The following ITFG1 variants were observed in gnomAD, a reference collection of about 807,000 sequenced individuals.
ITFG1 encodes the protein T-cell immunomodulatory protein.
In ITFG1, 34 loss-of-function variants were observed where a neutral mutation model predicts 81.8. That is an observed-to-expected ratio of 0.42 (90% CI 0.32 to 0.55). ITFG1 has a LOEUF of 0.55. ITFG1 is among the 20% of genes least tolerant of loss of function. The pLI, the probability that ITFG1 is intolerant of heterozygous loss-of-function variation, is 0.17. For synonymous variants in ITFG1, 285 were observed against 270.6 expected, an observed-to-expected ratio of 1.05 and a Z score of -0.52; for missense variants, 672 against 755.4, an observed-to-expected ratio of 0.89 and a Z score of 1.29.
At chr16:47,442,276 A>G (rs1001144968) in intron 5 of ITFG1, among the ~76,000 whole-genome samples, 5 of 152,228 alleles carry the variant, frequency 3.3e-5, no homozygotes, top group Non-Finnish European at 5.9e-5. Flanking sequence ...TATAGATTCA[A>G]TGCCATCCCC....
chr16:47,273,879 C>T (rs1038533817), intron 10 of ITFG1, among the ~76,000 whole-genome samples: 12 of 152,080 alleles, frequency 7.9e-5, no homozygotes, highest in Admixed American at 1.3e-4. Flanking sequence ...TGGCTCACTG[C>T]AAACTCCTCC....
intron 8 of ITFG1, among the ~76,000 whole-genome samples, chr16:47,351,731 CA>C (rs59557460): frequency 1 from 152,199 of 152,202 alleles, 76,098 homozygotes; most frequent in Middle Eastern, 1. Flanking sequence ...CATACGGAAC[CA>C]AAAAAGAGCC....
intron 14 of ITFG1, among the ~76,000 whole-genome samples, chr16:47,183,130 C>T (rs866592643): frequency 2.0e-5 from 3 of 152,246 alleles, no homozygotes; most frequent in East Asian, 1.9e-4. Flanking sequence ...GAGGGTCCTA[C>T]GCCCACGGAG....
intron 16 of ITFG1, 121 bp from the exon 17 acceptor site, chr16:47,159,111 T>C (rs1210123139): frequency 2.2e-6 from 1 of 460,312 alleles, no homozygotes; most frequent in Admixed American, 4.1e-5. Context: ...ATTAAACCAT[T>C]CATTCATCAG....
At chr16:47,176,971 T>C (rs954230670) in intron 14 of ITFG1, among the ~76,000 whole-genome samples, 2 of 150,394 alleles carry the variant, frequency 1.3e-5, no homozygotes, top group Non-Finnish European at 3.0e-5. Flanking sequence ...TTTTTTTTTT[T>C]AAACAGAGAT....
chr16:47,316,323 C>T (rs1416207303), intron 8 of ITFG1, among the ~76,000 whole-genome samples: 2 of 152,090 alleles, frequency 1.3e-5, no homozygotes, highest in Non-Finnish European at 2.9e-5. Context: ...ACCACATTTG[C>T]CTATTGTTAA....
intron 6 of ITFG1, among the ~76,000 whole-genome samples, chr16:47,402,362 A>G (rs550458973): frequency 1.3e-5 from 2 of 152,342 alleles, no homozygotes; most frequent in South Asian, 4.1e-4. Flanking sequence ...ATATAAAATA[A>G]ATTCTTATTA....
Position 47,222,482 on chromosome 16 carries a change from C to T in ITFG1, c.1375-3536G>A, listed in dbSNP as rs371593821. 1.5e-4 allele frequency among the ~76,000 whole-genome samples: 22 copies of T among 149,734 alleles called. No individual in the cohort carries two copies. The East Asian group carries it at 1.8e-3, about 12-fold the overall frequency. On this transcript the variant is annotated intron_variant, in intron 13 of 17. Coordinates refer to ENST00000320640, the MANE Select transcript of ITFG1 (RefSeq NM_030790.5). Reference sequence around the variant, plus strand: ...AGGCCGGAGTGCAGTGGCGCGATCTCGGCTCACTGCAAGCTCCGCCTCCCA... The same window carrying T: ...AGGCCGGAGTGCAGTGGCGCGATCTTGGCTCACTGCAAGCTCCGCCTCCCA...
intron 10 of ITFG1, chr16:47,299,628 G>A: frequency 6.5e-6 from 1 of 152,788 alleles, no homozygotes; most frequent in Non-Finnish European, 1.5e-5. Flanking sequence ...ACCAGCATGG[G>A]GAAAGTGGGG....
chr16:47,300,278 T>A (rs1192163899), intron 10 of ITFG1, among the ~76,000 whole-genome samples: 1 of 152,240 alleles, frequency 6.6e-6, no homozygotes, highest in Non-Finnish European at 1.5e-5. Context: ...ATGTTCCTTC[T>A]TGGAAAATCT....
In ITFG1 at chr16:47,393,271, A is replaced by C. The variant is rs1168680901; in HGVS notation, c.656-17331T>G. ...AGGTGTCTGCTCCTTTTCTGACTAC[A>C]CTGTACTCGAGGGTGCCTGAGCCTG... On this transcript the variant is annotated intron_variant, in intron 6 of 17. Coordinates refer to ENST00000320640, the MANE Select transcript of ITFG1 (RefSeq NM_030790.5). Among the ~76,000 whole-genome samples the C allele has an allele frequency of 2.0e-5, 3 of 152,266 alleles. No homozygotes were observed. The South Asian group carries it at 6.2e-4, about 32-fold the overall frequency.
chr16:47,171,501 T>C (rs1428287669), intron 14 of ITFG1, among the ~76,000 whole-genome samples: 1 of 152,228 alleles, frequency 6.6e-6, no homozygotes, highest in East Asian at 1.9e-4. Context: ...ACTTTTGATT[T>C]CTATGATGAT....
chr16:47,372,772 A>C (rs1438166902), intron 7 of ITFG1, among the ~76,000 whole-genome samples: 1 of 152,128 alleles, frequency 6.6e-6, no homozygotes, highest in Non-Finnish European at 1.5e-5. Flanking sequence ...CTTATTGCTC[A>C]CCAGAAGAAA....
intron 12 of ITFG1, among the ~76,000 whole-genome samples, chr16:47,242,426 T>C (rs909042854): frequency 6.6e-6 from 1 of 151,628 alleles, no homozygotes; most frequent in Non-Finnish European, 1.5e-5. Context: ...AAAAGCATGA[T>C]AAAATTGTCT....
intron 5 of ITFG1, 46 bp from the exon 6 acceptor site, chr16:47,428,944 G>T: frequency 2.0e-6 from 2 of 1,003,674 alleles, no homozygotes; most frequent in South Asian, 1.4e-5. Context: ...AACATCAAAT[G>T]AGCATTATTT....
rs763087821 is a variant in ITFG1, at chr16:47,162,634, G to A, written c.1484C>T (p.Ala495Val). ...AAGCACGTTGTATGGTAGTTGGAGAGCTAAATGTGCGGATTGGCTGAGTTG... is the reference window on the plus strand; with the variant it reads ...AAGCACGTTGTATGGTAGTTGGAGAACTAAATGTGCGGATTGGCTGAGTTG... ...AGQLSQSAHL[A>V]LQLPYNVLGL... The change falls in exon 15 of 18, where the codon GCT becomes GTT. Residue 495 changes from alanine (A) to valine (V), a missense_variant. Ala to Val is a moderately conservative substitution (Grantham distance 64). This residue lies in a region of ITFG1 where 560 missense variants were observed against 625.7 expected (regional missense o/e 0.90). Coordinates refer to ENST00000320640, the MANE Select transcript of ITFG1 (RefSeq NM_030790.5). 1.9e-6 allele frequency: 3 copies of A among 1,607,942 alleles called. No individual in the cohort carries two copies. The highest frequency in any genetic ancestry group is 3.4e-5 in the Admixed American group (2 of 59,346).
chr16:47,314,337 GTCCATT>G (rs763183464), intron 8 of ITFG1, among the ~76,000 whole-genome samples: 7 of 152,038 alleles, frequency 4.6e-5, no homozygotes, highest in Non-Finnish European at 8.8e-5. Context: ...ATCAACAGTA[GTCCATT>G]ATTATACAGA....
At position 47,163,922 on chromosome 16, in the gene ITFG1, C is replaced by T. The variant is rs1178539220; in HGVS notation, c.1454-1258G>A. Among the ~76,000 whole-genome samples the T allele has an allele frequency of 2.8e-5, 4 of 145,130 alleles. No homozygotes were observed. In the South Asian group the frequency reaches 6.3e-4, roughly 23 times the overall value. On this transcript the variant is annotated intron_variant, in intron 14 of 17. Transcript: ENST00000320640. ...CGTGAAAGAAGCTCAACTACACACA[C>T]ACACACACACACACACACACACACA...
At chr16:47,222,567 C>G (rs1340933231) in intron 13 of ITFG1, among the ~76,000 whole-genome samples, 2 of 152,102 alleles carry the variant, frequency 1.3e-5, no homozygotes, top group Non-Finnish European at 2.9e-5. Flanking sequence ...GCACCCGCCA[C>G]CAGGCCCGGC....
Sources: allele counts gnomAD v4.1 joint callset (sites outside exome capture counted in the v4.1 genomes callset), GRCh38; gene constraint gnomAD v4.1.1; regional missense constraint gnomAD v4.1.1; transcripts MANE v1.5; gene names NCBI Gene and HGNC (gene_info 2026-07-23, HGNC 2026-07-21).